Variants in HS6ST1 observed in about 807,000 individuals in gnomAD.
The protein encoded by HS6ST1 is heparan-sulfate 6-O-sulfotransferase 1.
HS6ST1 carries 3 observed loss-of-function variants against 25.2 expected under a neutral mutation model. The ratio of observed to expected loss-of-function variants is 0.12; its 90% CI spans 0.05 to 0.31. The LOEUF (loss-of-function observed/expected upper bound fraction) is 0.31, where lower values mean the gene tolerates loss of function less well. HS6ST1 is among the 10% of genes least tolerant of loss of function. HS6ST1 has a pLI of 1.00. For missense variants in HS6ST1, 310 were observed against 609.6 expected (o/e 0.51, Z 5.18); for synonymous variants, 204 against 275.1 (o/e 0.74, Z 2.56).
intron 1 of HS6ST1, among the ~76,000 whole-genome samples, chr2:128,306,636 C>A (rs1024329130): frequency 1.8e-4 from 28 of 152,198 alleles, no homozygotes; most frequent in Non-Finnish European, 3.8e-4. Flanking sequence ...GATGTGTAGG[C>A]CCTTCTGTCC....
chr2:128,314,341 G>A (rs1454575932), intron 1 of HS6ST1, among the ~76,000 whole-genome samples: 21 of 152,166 alleles, frequency 1.4e-4, no homozygotes, highest in Admixed American at 1.4e-3. Context: ...CAGGGACAGA[G>A]CCCAGATCCT....
In HS6ST1 at chr2:128,294,158, C is replaced by T. The variant is rs546200559; in HGVS notation, c.527+23879G>A. Among the ~76,000 whole-genome samples the T allele has an allele frequency of 4.5e-4, 69 of 152,342 alleles. No homozygotes were observed. In the South Asian group the frequency reaches 8.7e-3, roughly 19 times the overall value. ...TGTCCTTCACATCACAGCTTCTGAGCCTGGACTTGACAGCCTCCTCCTGAG... is the reference window on the plus strand; with the variant it reads ...TGTCCTTCACATCACAGCTTCTGAGTCTGGACTTGACAGCCTCCTCCTGAG... On this transcript the variant is annotated intron_variant, in intron 1 of 1. Coordinates refer to ENST00000259241, the MANE Select transcript of HS6ST1 (RefSeq NM_004807.3).
intron 1 of HS6ST1, among the ~76,000 whole-genome samples, chr2:128,304,416 G>C (rs1208299842): frequency 6.6e-6 from 1 of 152,220 alleles, no homozygotes; most frequent in Non-Finnish European, 1.5e-5. Context: ...AGGGCCTCTA[G>C]CCCCTCAGGA....
rs1031386971 is a variant in HS6ST1 at position 128,265,853 on chromosome 2, C to T, written c.*2309G>A. 1 of 152,118 alleles carries T rather than the reference C, an allele frequency of 6.6e-6. No individual in the cohort carries two copies. Among genetic ancestry groups the T allele is most frequent in the Non-Finnish European group, 1.5e-5 (1 of 68,044 alleles). 9.4% of individuals were successfully genotyped at this position (152,118 alleles called of 1,614,324 possible). On this transcript the variant is annotated 3_prime_UTR_variant, in exon 2 of 2. Transcript: ENST00000259241. ...AGGGCCCCGGTGGACAGAGTCCTTA[C>T]AATTTAGGAGATGCTGCTGGCAAAG... is the stretch of plus-strand genomic sequence containing the variant.
chr2:128,289,905 A>T (rs1573699151), intron 1 of HS6ST1: 1 of 152,390 alleles, frequency 6.6e-6, no homozygotes, highest in Admixed American at 6.5e-5. Context: ...AGTCACAAAT[A>T]GCCCGATAAT....
chr2:128,280,357 C>T (rs926466627), intron 1 of HS6ST1, among the ~76,000 whole-genome samples: 1 of 152,234 alleles, frequency 6.6e-6, no homozygotes, highest in African/African-American at 2.4e-5. Context: ...GGTGTCATTC[C>T]TTCTGAGAGG....
rs1222140747 is a variant in HS6ST1 at position 128,267,213 on chromosome 2, T to C, written c.*949A>G. ...AGCTCTTGAGTATGTGTTTCGGTGATGGGGCTGGGGCAGCCTGCTAGCAAA... is the reference window on the plus strand; with the variant it reads ...AGCTCTTGAGTATGTGTTTCGGTGACGGGGCTGGGGCAGCCTGCTAGCAAA... On this transcript the variant is annotated 3_prime_UTR_variant, in exon 2 of 2. Transcript: ENST00000259241. 2.6e-5 allele frequency: 4 copies of C among 152,066 alleles called. No homozygotes were observed. Among genetic ancestry groups the C allele is most frequent in the Admixed American group, 2.6e-4 (4 of 15,286 alleles). 9.4% of individuals were successfully genotyped at this position (152,066 alleles called of 1,614,324 possible).
intron 1 of HS6ST1, among the ~76,000 whole-genome samples, chr2:128,276,956 C>T (rs1045845274): frequency 3.9e-5 from 6 of 152,162 alleles, no homozygotes; most frequent in Admixed American, 2.6e-4. Context: ...AGGAGGACCA[C>T]CTCAAGGGTG....
At chr2:128,307,857 A>C (rs113124274) in intron 1 of HS6ST1, among the ~76,000 whole-genome samples, 3 of 152,268 alleles carry the variant, frequency 2.0e-5, no homozygotes, top group African/African-American at 4.8e-5. Context: ...ATGAGCGAGC[A>C]CCGTGGCCGC....
chr2:128,282,383 A>ACTG (rs1285325377), intron 1 of HS6ST1, among the ~76,000 whole-genome samples: 1 of 152,206 alleles, frequency 6.6e-6, no homozygotes, highest in African/African-American at 2.4e-5. Context: ...ACTGTGGGTC[A>ACTG]CTGGGCGGGC....
intron 1 of HS6ST1, among the ~76,000 whole-genome samples, chr2:128,291,235 G>A (rs1693947560): frequency 6.6e-6 from 1 of 152,260 alleles, no homozygotes; most frequent in African/African-American, 2.4e-5. Flanking sequence ...CCCCGTGCAG[G>A]CATTACTAGG....
chr2:128,299,723 C>T (rs555293750), intron 1 of HS6ST1, among the ~76,000 whole-genome samples: 111 of 152,322 alleles, frequency 7.3e-4, no homozygotes, highest in African/African-American at 2.5e-3. Context: ...TGGAAAGACC[C>T]CAGCTGGCGG....
intron 1 of HS6ST1, among the ~76,000 whole-genome samples, chr2:128,313,593 GGAC>G (rs768793564): frequency 6.6e-6 from 1 of 152,146 alleles, no homozygotes; most frequent in Non-Finnish European, 1.5e-5. Context: ...ACTCCCCGAA[GGAC>G]GACAAGACCA....
In HS6ST1 at chr2:128,283,249, G is replaced by A. The variant is rs148754851; in HGVS notation, c.528-14379C>T. Among the ~76,000 whole-genome samples the A allele has an allele frequency of 4.7e-3, 712 of 152,278 alleles. 5 individuals carry two copies. Among genetic ancestry groups the A allele is most frequent in the Middle Eastern group, 0.024 (7 of 294 alleles). On this transcript the variant is annotated intron_variant, in intron 1 of 1. Coordinates refer to ENST00000259241, the MANE Select transcript of HS6ST1 (RefSeq NM_004807.3). ...GCTCTGGGGCACTGCACAGAAATCCGCTCACAGCAGGGGTCACTGCAGGCC... is the reference window on the plus strand; with the variant it reads ...GCTCTGGGGCACTGCACAGAAATCCACTCACAGCAGGGGTCACTGCAGGCC...
chr2:128,306,195 T>C (rs1694204994), intron 1 of HS6ST1, among the ~76,000 whole-genome samples: 1 of 152,166 alleles, frequency 6.6e-6, no homozygotes, highest in African/African-American at 2.4e-5. Context: ...ATGCCCTCCT[T>C]TGTGCCTCCG....
At position 128,265,799 on chromosome 2, in the gene HS6ST1, CT is replaced by C. The variant is rs1232022277; in HGVS notation, c.*2362del. ...GTGACTAAGCTGTTAGCTCCACTCC[CT>C]GCCTGTTTCCGTCCTCACAGCCCTG... On this transcript the variant is annotated 3_prime_UTR_variant, in exon 2 of 2. Coordinates refer to ENST00000259241, the MANE Select transcript of HS6ST1 (RefSeq NM_004807.3). 1 of 152,268 alleles carries C rather than the reference CT, an allele frequency of 6.6e-6. No homozygotes were observed. Among genetic ancestry groups the C allele is most frequent in the Non-Finnish European group, 1.5e-5 (1 of 68,066 alleles). 9.4% of individuals were successfully genotyped at this position (152,268 alleles called of 1,614,324 possible). A position where few individuals can be genotyped will look rare whatever the true frequency, so the allele number is the denominator to read the frequency against.
chr2:128,317,690 A>G (rs569735578), intron 1 of HS6ST1, among the ~76,000 whole-genome samples: 8 of 152,368 alleles, frequency 5.3e-5, no homozygotes, highest in African/African-American at 1.9e-4. Flanking sequence ...CGCGTCCCCA[A>G]GTCCGGCGGG....
At chr2:128,310,685 C>T (rs1233569191) in intron 1 of HS6ST1, among the ~76,000 whole-genome samples, 1 of 152,164 alleles carries the variant, frequency 6.6e-6, no homozygotes, top group Non-Finnish European at 1.5e-5. Context: ...CTCTAACAGC[C>T]TCCACCCTGG....
At position 128,268,422 on chromosome 2, in the gene HS6ST1, C is replaced by T. The variant is rs771097802; in HGVS notation, c.976G>A (p.Gly326Ser). 16 of 1,613,524 alleles carry T rather than the reference C, an allele frequency of 9.9e-6. No individual in the cohort carries two copies. Among genetic ancestry groups the T allele is most frequent in the South Asian group, 4.4e-5 (4 of 91,088 alleles). Residue 326 changes from glycine to serine, a missense_variant, in exon 2 of 2, where the codon GGC becomes AGC. Coordinates refer to ENST00000259241, the MANE Select transcript of HS6ST1 (RefSeq NM_004807.3). ...ATGGTGTCTTCATCCACCTCCACGC[C>T]GCCCGCCCGCGTGCTATTGTACTGC... is the stretch of plus-strand genomic sequence containing the variant. ...FMQYNSTRAG[G>S]VEVDEDTIRR...
Sources: gnomAD v4.1 joint callset for allele counts (sites outside exome capture counted in the v4.1 genomes callset) on GRCh38, gnomAD v4.1.1 for gene constraint, MANE v1.5 for transcripts, NCBI Gene and HGNC (gene_info 2026-07-23, HGNC 2026-07-21) for gene names.